The following HELQ variants were observed in gnomAD, a reference collection of about 807,000 sequenced individuals.
The protein encoded by HELQ is helicase POLQ-like.
A neutral mutation model predicts 111.6 loss-of-function variants in HELQ; 77 were observed. That is an observed-to-expected ratio of 0.69 (90% CI 0.57 to 0.83). HELQ has a LOEUF of 0.83. Among genes scored for constraint, HELQ ranks in the 40% least tolerant of loss-of-function variants. HELQ has a pLI of 0.00. For missense variants in HELQ, 1,200 were observed against 1,288.5 expected, an observed-to-expected ratio of 0.93 and a Z score of 1.05; for synonymous variants, 438 against 454.7, an observed-to-expected ratio of 0.96 and a Z score of 0.47.
chr4:83,421,597 G>A lies in HELQ; in HGVS notation c.2915C>T (p.Ala972Val), dbSNP rs769810060. ...ATGTAACACACAAGATGAGAATGAG[G>A]CAGTTCCAGTGAGAAGATTTTGTAT... The part of the protein sequence containing the change: ...GYIQNLLTGT[A>V]SFSSCVLHFC... Residue 972 changes from alanine to valine, a missense_variant, in exon 15 of 18, where the codon GCC (alanine) becomes GTC (valine). This residue lies in a region of HELQ where 585 missense variants were observed against 665.3 expected (regional missense o/e 0.88). Transcript: ENST00000295488. 5.0e-6 allele frequency: 8 copies of A among 1,613,324 alleles called. No homozygotes were observed. The South Asian group carries it at 8.8e-5, about 18-fold the overall frequency.
At position 83,429,019 on chromosome 4, in the gene HELQ, T is replaced by C. The variant is rs181000755; in HGVS notation, c.2518+505A>G. Among the ~76,000 whole-genome samples the C allele has an allele frequency of 8.7e-4, 133 of 152,110 alleles. No individual in the cohort carries two copies. The Middle Eastern group carries it at 0.014, about 16-fold the overall frequency. ...AGGGATGCCTACCTTATTCTCTATA[T>C]ACTTCTGCAGTACTTATAATTCAAA... On this transcript the variant is annotated intron_variant, in intron 12 of 17. Coordinates refer to ENST00000295488, the MANE Select transcript of HELQ (RefSeq NM_133636.5).
chr4:83,409,422 C>T (rs2109956864), intron 17 of HELQ, among the ~76,000 whole-genome samples: 1 of 152,156 alleles, frequency 6.6e-6, no homozygotes, highest in Non-Finnish European at 1.5e-5. Flanking sequence ...GGCAAGGTGG[C>T]CGGCGCCTGT....
At chr4:83,425,646 TCTTAGAATC>T (rs1719811294) in intron 14 of HELQ, among the ~76,000 whole-genome samples, 1 of 152,200 alleles carries the variant, frequency 6.6e-6, no homozygotes, top group Admixed American at 6.5e-5. Flanking sequence ...ACCTGTCCTA[TCTTAGAATC>T]CTTGATACCA....
At chr4:83,411,951 T>C (rs1262858528) in intron 17 of HELQ, among the ~76,000 whole-genome samples, 2 of 152,142 alleles carry the variant, frequency 1.3e-5, no homozygotes, top group Non-Finnish European at 1.5e-5. Flanking sequence ...GCCTGAACTC[T>C]TGAACTTCAA....
At position 83,416,729 on chromosome 4, in the gene HELQ, A is replaced by G. The variant is rs766369458; in HGVS notation, c.3198+2T>C. ...AGGTTAAAAAATGGTTTGTTTGCTT[A>G]CCTTTGCTGATGAAACAATTTGCTT... On this transcript the variant is annotated splice_donor_variant, in intron 17 of 17. Coordinates refer to ENST00000295488, the MANE Select transcript of HELQ (RefSeq NM_133636.5). LOFTEE classifies it high-confidence loss of function. The G allele has an allele frequency of 1.5e-5, 24 of 1,611,560 alleles. No homozygotes were observed. Among genetic ancestry groups the G allele is most frequent in the Non-Finnish European group, 2.0e-5 (24 of 1,179,356 alleles).
chr4:83,439,452 C>A (rs55737640), intron 8 of HELQ, among the ~76,000 whole-genome samples: 10,919 of 151,838 alleles, frequency 0.072, 528 homozygotes, highest in South Asian at 0.12. Flanking sequence ...CTCCGCCTCC[C>A]GGGTCCAACA....
In HELQ at chr4:83,441,370, T is replaced by C; in HGVS notation, c.1597A>G (p.Thr533Ala). ...ELKEYLKIND[T>A]IYEVDSKAEN... ...GCTTTGCTGTCAACTTCATATATTGTATCATTTATTTTCAGATATTCTTTT... is the reference window on the plus strand; with the variant it reads ...GCTTTGCTGTCAACTTCATATATTGCATCATTTATTTTCAGATATTCTTTT... Residue 533 changes from threonine (T) to alanine (A), a missense_variant, in exon 7 of 18, where the codon ACA (threonine) becomes GCA (alanine). By Grantham distance (58) the Thr-to-Ala change is moderately conservative. Coordinates refer to ENST00000295488, the MANE Select transcript of HELQ (RefSeq NM_133636.5). 1 of 1,580,860 alleles carries C rather than the reference T, an allele frequency of 6.3e-7. No homozygotes were observed. The highest frequency in any genetic ancestry group is 8.7e-7 in the Non-Finnish European group (1 of 1,154,776).
intron 3 of HELQ, 146 bp from the exon 4 acceptor site, chr4:83,447,181 C>G: frequency 3.4e-6 from 2 of 584,356 alleles, no homozygotes; most frequent in Non-Finnish European, 6.0e-6. Context: ...GACCTCATCT[C>G]TATAAAAAAT....
At chr4:83,431,619 T>G (rs760632422) in intron 11 of HELQ, 45 bp downstream of exon 11, 1 of 927,612 alleles carries the variant, frequency 1.1e-6, no homozygotes, top group Non-Finnish European at 1.6e-6. Context: ...TTAACCTCTA[T>G]TGTCTCAGAT....
intron 14 of HELQ, among the ~76,000 whole-genome samples, chr4:83,422,082 C>T (rs139401905): frequency 1.2e-4 from 18 of 151,802 alleles, no homozygotes; most frequent in African/African-American, 3.6e-4. Flanking sequence ...AAAACGTGGC[C>T]GGGTGTGGTG....
At chr4:83,433,907 G>A (rs1345175141) in intron 9 of HELQ, among the ~76,000 whole-genome samples, 6 of 150,172 alleles carry the variant, frequency 4.0e-5, no homozygotes, top group South Asian at 2.1e-4. Flanking sequence ...CTTGAACCCG[G>A]GAGGCAGAGG....
intron 2 of HELQ, among the ~76,000 whole-genome samples, chr4:83,451,316 C>T (rs533799855): frequency 5.8e-4 from 88 of 152,124 alleles, no homozygotes; most frequent in African/African-American, 2.0e-3. Context: ...AAGTGACAAT[C>T]CCCAGCAGTT....
chr4:83,429,650 T>C lies in HELQ; in HGVS notation c.2392A>G (p.Ile798Val). 6.2e-7 allele frequency: 1 copy of C among 1,613,164 alleles called. No individual in the cohort carries two copies. Among genetic ancestry groups the C allele is most frequent in the Non-Finnish European group, 8.5e-7 (1 of 1,179,252 alleles). The change falls in exon 12 of 18, where the codon ATA (isoleucine) becomes GTA (valine). Residue 798 changes from isoleucine to valine, a missense_variant. Around this residue, in one of 3 missense-constraint regions of HELQ, gnomAD observed 585 missense variants for 665.3 expected, o/e 0.88. Coordinates refer to ENST00000295488, the MANE Select transcript of HELQ (RefSeq NM_133636.5). Reference protein sequence around the residue: ...VLLKEKSLWEITVESLRYLTE... With the variant: ...VLLKEKSLWEVTVESLRYLTE... ...AGGTATCTAAGTGATTCAACAGTTA[T>C]TTCCCAGAGACTTTTTTCTTTCAAT...
At position 83,453,730 on chromosome 4, in the gene HELQ, A is replaced by T. The variant is rs1485850524; in HGVS notation, c.513T>A (p.Asp171Glu). The T allele has an allele frequency of 6.2e-7, 1 of 1,614,132 alleles. No homozygotes were observed. Among genetic ancestry groups the T allele is most frequent in the East Asian group, 2.2e-5 (1 of 44,888 alleles). Reference sequence around the variant, plus strand: ...ATCCACTCTGGTTCTCTGTGTGCTTATCAGTTTGTAATTCAGTAAGGTTGC... The same window carrying T: ...ATCCACTCTGGTTCTCTGTGTGCTTTTCAGTTTGTAATTCAGTAAGGTTGC... ...TIGNLTELQT[D>E]KHTENQSGYE... The change falls in exon 2 of 18, where the codon GAT becomes GAA. Residue 171 changes from aspartate to glutamate, a missense_variant. By Grantham distance (45) the Asp-to-Glu change is conservative. This residue lies in a region of HELQ where 610 missense variants were observed against 607.1 expected (regional missense o/e 1.00). Coordinates refer to ENST00000295488, the MANE Select transcript of HELQ (RefSeq NM_133636.5).
chr4:83,443,070 T>C (rs1720861422), intron 6 of HELQ, among the ~76,000 whole-genome samples: 1 of 152,106 alleles, frequency 6.6e-6, no homozygotes, highest in Non-Finnish European at 1.5e-5. Context: ...TATATGTAAA[T>C]CCATGTGAAG....
intron 9 of HELQ, among the ~76,000 whole-genome samples, chr4:83,434,797 C>T (rs547141712): frequency 2.0e-5 from 3 of 152,102 alleles, no homozygotes; most frequent in Admixed American, 1.3e-4. Context: ...ATGGCACAAA[C>T]GTGTGCTTAC....
intron 13 of HELQ, 128 bp downstream of exon 13, chr4:83,427,435 G>T (rs1391544766): frequency 6.4e-6 from 4 of 620,734 alleles, no homozygotes; most frequent in Non-Finnish European, 7.8e-6. Flanking sequence ...TGGGAAGACT[G>T]CTTGAGCCTA....
intron 17 of HELQ, among the ~76,000 whole-genome samples, chr4:83,409,753 C>T (rs1028815947): frequency 1.3e-5 from 2 of 151,672 alleles, no homozygotes; most frequent in African/African-American, 2.4e-5. Flanking sequence ...AACTAAGAAC[C>T]GACATGGACA....
chr4:83,411,975 C>A (rs1739129791), intron 17 of HELQ, among the ~76,000 whole-genome samples: 1 of 152,102 alleles, frequency 6.6e-6, no homozygotes, highest in South Asian at 2.1e-4. Flanking sequence ...TCTTGAACTA[C>A]ATATAGGAAG....
Sources: gnomAD v4.1 joint callset for allele counts (sites outside exome capture counted in the v4.1 genomes callset) on GRCh38, gnomAD v4.1.1 for gene constraint, gnomAD v4.1.1 regional missense constraint, MANE v1.5 for transcripts, NCBI Gene and HGNC (gene_info 2026-07-23, HGNC 2026-07-21) for gene names.